Variants in SLC12A2 observed in about 807,000 individuals in gnomAD.
SLC12A2 encodes solute carrier family 12 member 2, also known as Na-K-2Cl cotransporter 1.
SLC12A2 carries 67 observed loss-of-function variants against 136.3 expected under a neutral mutation model. The observed-to-expected ratio is 0.49, with a 90% CI of 0.40 to 0.60. The LOEUF is 0.60. Ranked by LOEUF, SLC12A2 falls within the 20% of genes least tolerant of loss-of-function variation. The pLI is 0.00. For synonymous variants in SLC12A2, 619 were observed against 562.9 expected, an observed-to-expected ratio of 1.10 and a Z score of -1.41; for missense variants, 1,322 against 1,534.7, an observed-to-expected ratio of 0.86 and a Z score of 2.32.
chr5:128,138,625 C>A lies in SLC12A2; in HGVS notation c.1437C>A (p.Pro479=). The A allele has an allele frequency of 1.2e-6, 2 of 1,611,292 alleles. No homozygotes were observed. The highest frequency in any genetic ancestry group is 1.1e-5 in the South Asian group (1 of 90,276). Residue 479 remains proline, a synonymous_variant, in exon 8 of 27, where the codon CCC becomes CCA. Transcript: ENST00000262461. ...AAATATTTAATGAGAACTTTGGGCC[C>A]GATTTTCGAGAGGAAGAGACTTTCT... The part of the protein sequence containing the change: ...KSEIFNENFG[P]DFREEETFFS...
chr5:128,178,177 A>G (rs1763591719), intron 21 of SLC12A2, among the ~76,000 whole-genome samples: 1 of 152,212 alleles, frequency 6.6e-6, no homozygotes, highest in Non-Finnish European at 1.5e-5. Context: ...CAGATTACCA[A>G]AGAAATAGTT....
intron 24 of SLC12A2, 38 bp from the exon 25 acceptor site, chr5:128,184,328 A>G: frequency 7.7e-7 from 1 of 1,297,838 alleles, no homozygotes; most frequent in South Asian, 1.7e-5. Flanking sequence ...GTAACTTAAA[A>G]TAAGATTAGT....
rs376862484 is a variant in SLC12A2 at position 128,084,550 on chromosome 5, A to G, written c.596A>G (p.Tyr199Cys). 44 of 1,613,552 alleles carry G rather than the reference A, an allele frequency of 2.7e-5. No homozygotes were observed. Among genetic ancestry groups the G allele is most frequent in the Admixed American group, 1.8e-4 (11 of 59,998 alleles). The stretch of plus-strand genomic sequence containing the variant: ...GGCGGCAGTGGGCACCACCAGCACT[A>G]CTATTATGATACCCACACCAACACC... ...GGGGSGHHQH[Y>C]YYDTHTNTYY... Residue 199 changes from tyrosine (Y) to cysteine (C), a missense_variant, in exon 1 of 27, where the codon TAC becomes TGC. By Grantham distance (194) the Tyr-to-Cys change is radical. Transcript: ENST00000262461. The surrounding 1 kb of genome is among the most constrained non-coding windows in gnomAD (Gnocchi z 5.6).
chr5:128,181,256 T>TG (rs150529931), intron 23 of SLC12A2, among the ~76,000 whole-genome samples: 178 of 152,312 alleles, frequency 1.2e-3, no homozygotes, highest in African/African-American at 4.1e-3. Flanking sequence ...AACATTAAAG[T>TG]GTTAAGCAAC....
At chr5:128,098,635 G>A (rs1157459729) in intron 1 of SLC12A2, among the ~76,000 whole-genome samples, 1 of 149,948 alleles carries the variant, frequency 6.7e-6, no homozygotes, top group South Asian at 2.1e-4. Flanking sequence ...ATTGTTGTTG[G>A]TTTTTTTTTG....
At chr5:128,126,939 TAC>T (rs1761815282) in intron 4 of SLC12A2, among the ~76,000 whole-genome samples, 2 of 84,968 alleles carry the variant, frequency 2.4e-5, no homozygotes, top group African/African-American at 1.3e-4. Flanking sequence ...TATCACAACC[TAC>T]ATATATATAT....
chr5:128,106,701 A>G (rs1760949332), intron 1 of SLC12A2, among the ~76,000 whole-genome samples: 1 of 152,184 alleles, frequency 6.6e-6, no homozygotes, highest in South Asian at 2.1e-4. Flanking sequence ...CTTTGTTCTT[A>G]CAACATAGTT....
rs150686140 is a variant in SLC12A2, at chr5:128,110,537, T to C, written c.757-2277T>C. 3.4e-4 allele frequency: 466 copies of C among 1,379,820 alleles called. No individual in the cohort carries two copies. In the African/African-American group the frequency reaches 5.8e-3, roughly 17 times the overall value. The allele number at this position is 1,379,820 out of a possible 1,614,324, so 85.5% of individuals were successfully genotyped here. A position where few individuals can be genotyped will look rare whatever the true frequency, so the allele number is the denominator to read the frequency against. ...GATGAAAACCTGTATGGTCCCATTGTGAAACACATTTCATTTTTTGATTTC... is the reference window on the plus strand; with the variant it reads ...GATGAAAACCTGTATGGTCCCATTGCGAAACACATTTCATTTTTTGATTTC... On this transcript the variant is annotated intron_variant, in intron 1 of 26. Coordinates refer to ENST00000262461, the MANE Select transcript of SLC12A2 (RefSeq NM_001046.3).
intron 1 of SLC12A2, among the ~76,000 whole-genome samples, chr5:128,087,138 G>T (rs976644787): frequency 1.3e-5 from 2 of 152,198 alleles, no homozygotes; most frequent in Non-Finnish European, 2.9e-5. Context: ...CTTTTTAAAA[G>T]TATTTTGTCT....
intron 1 of SLC12A2, among the ~76,000 whole-genome samples, chr5:128,095,973 C>G (rs1256441544): frequency 1.3e-5 from 2 of 152,078 alleles, no homozygotes; most frequent in Non-Finnish European, 2.9e-5. Context: ...TACTATCTAT[C>G]AAAGTTCTGG....
intron 1 of SLC12A2, among the ~76,000 whole-genome samples, chr5:128,099,615 C>G (rs1025612828): frequency 2.0e-5 from 3 of 152,148 alleles, no homozygotes; most frequent in Admixed American, 2.0e-4. Flanking sequence ...AAAACACAGA[C>G]ATATTGTACA....
intron 5 of SLC12A2, among the ~76,000 whole-genome samples, chr5:128,133,000 G>C (rs1045605264): frequency 2.0e-5 from 3 of 151,374 alleles, no homozygotes; most frequent in Non-Finnish European, 4.4e-5. Flanking sequence ...TATAGCAGTA[G>C]TCTTCTATTA....
chr5:128,089,822 C>G (rs1276071767), intron 1 of SLC12A2, among the ~76,000 whole-genome samples: 1 of 152,178 alleles, frequency 6.6e-6, no homozygotes, highest in African/African-American at 2.4e-5. Context: ...AGCTGCTTCT[C>G]TGAGTGGGCT....
In SLC12A2 at chr5:128,158,090, C is replaced by A; in HGVS notation, c.2401C>A (p.Arg801Ser). 1 of 1,613,742 alleles carries A rather than the reference C, an allele frequency of 6.2e-7. No individual in the cohort carries two copies. Among genetic ancestry groups the A allele is most frequent in the Non-Finnish European group, 8.5e-7 (1 of 1,179,822 alleles). Reference protein sequence around the residue: ...CLVMTGAPNSRPALLHLVHDF... With the variant: ...CLVMTGAPNSSPALLHLVHDF... ...TGTTATGACAGGTGCTCCAAACTCA[C>A]GTCCAGCTTTACTTCATCTTGTTCA... is the stretch of plus-strand genomic sequence containing the variant. Residue 801 changes from arginine (R) to serine (S), a missense_variant, in exon 16 of 27, where the codon CGT becomes AGT. Physicochemically the swap from Arg to Ser is moderately radical, Grantham distance 110. Transcript: ENST00000262461.
intron 17 of SLC12A2, among the ~76,000 whole-genome samples, chr5:128,162,514 C>A (rs866178627): frequency 4.0e-5 from 6 of 151,838 alleles, no homozygotes; most frequent in Admixed American, 3.9e-4. Flanking sequence ...ATTTTATGAC[C>A]TTTAGCTAGG....
intron 1 of SLC12A2, among the ~76,000 whole-genome samples, chr5:128,089,406 A>G (rs1289121816): frequency 2.0e-5 from 3 of 152,122 alleles, no homozygotes; most frequent in African/African-American, 7.2e-5. Flanking sequence ...CTAAAAAAAA[A>G]TAGTAGTACA....
intron 2 of SLC12A2, among the ~76,000 whole-genome samples, chr5:128,113,279 A>G (rs1181918690): frequency 6.6e-6 from 1 of 152,234 alleles, no homozygotes; most frequent in Non-Finnish European, 1.5e-5. Flanking sequence ...CATCAGAATC[A>G]AGAAGGCTGA....
chr5:128,167,331 C>T (rs1763234717), intron 17 of SLC12A2, among the ~76,000 whole-genome samples: 1 of 152,072 alleles, frequency 6.6e-6, no homozygotes, highest in African/African-American at 2.4e-5. Context: ...ATTGGTAGAA[C>T]AAATTCAGAT....
intron 4 of SLC12A2, among the ~76,000 whole-genome samples, chr5:128,116,426 C>G (rs932285239): frequency 2.0e-5 from 3 of 148,480 alleles, no homozygotes; most frequent in Non-Finnish European, 4.5e-5. Context: ...TATCTCTTTA[C>G]AAATACATCT....
Sources: allele counts gnomAD v4.1 joint callset (sites outside exome capture counted in the v4.1 genomes callset), GRCh38; gene constraint gnomAD v4.1.1; non-coding constraint Gnocchi (gnomAD v3.1); transcripts MANE v1.5; gene names NCBI Gene and HGNC (gene_info 2026-07-23, HGNC 2026-07-21).